THAP4: variants seen among roughly 807,000 people sequenced by gnomAD.
THAP4 encodes the protein THAP domain containing 4, also known as peroxynitrite isomerase THAP4.
A neutral mutation model predicts 48.1 loss-of-function variants in THAP4; 18 were observed. That is an observed-to-expected ratio of 0.37 (90% CI 0.26 to 0.56). THAP4 has a LOEUF of 0.56. Among genes scored for constraint, THAP4 ranks in the 20% least tolerant of loss-of-function variants. The probability of loss-of-function intolerance (pLI) is 0.78; values close to 1 mark genes in which losing one functional copy is unlikely to be tolerated. For synonymous variants in THAP4, 345 were observed against 324.9 expected (o/e 1.06, Z -0.66); for missense variants, 656 against 774.9 (o/e 0.85, Z 1.82).
chr2:241,603,113 A>G (rs2067138264), intron 3 of THAP4, 34 bp from the exon 4 acceptor site: 1 of 1,567,438 alleles, frequency 6.4e-7, no homozygotes, highest in East Asian at 2.2e-5. Context: ...AAGCCCAGGC[A>G]CTGGCCTCCA....
At chr2:241,600,531 T>C (rs544638320) in intron 5 of THAP4, among the ~76,000 whole-genome samples, 1 of 151,700 alleles carries the variant, frequency 6.6e-6, no homozygotes, top group African/African-American at 2.4e-5. Context: ...ATCGAGACCA[T>C]CCTGGCTAAC....
intron 2 of THAP4, among the ~76,000 whole-genome samples, chr2:241,631,562 C>A (rs1331613788): frequency 6.6e-6 from 1 of 152,154 alleles, no homozygotes; most frequent in Non-Finnish European, 1.5e-5. Flanking sequence ...ACCTCCCAGG[C>A]TCAAGCTATC....
At chr2:241,625,163 C>T (rs189105534) in intron 2 of THAP4, among the ~76,000 whole-genome samples, 1 of 152,146 alleles carries the variant, frequency 6.6e-6, no homozygotes, top group Admixed American at 6.5e-5. Flanking sequence ...GGCCCTAATA[C>T]CAAAACACGC....
chr2:241,599,214 T>C (rs1008762567), intron 5 of THAP4, among the ~76,000 whole-genome samples: 1 of 150,676 alleles, frequency 6.6e-6, no homozygotes, highest in African/African-American at 2.5e-5. Context: ...ATCGTGCCAC[T>C]GCATTCCAGC....
intron 2 of THAP4, among the ~76,000 whole-genome samples, chr2:241,627,502 G>A (rs1185658463): frequency 6.6e-6 from 1 of 152,192 alleles, no homozygotes; most frequent in Non-Finnish European, 1.5e-5. Context: ...TCCACAGAAC[G>A]CCACCGGGCA....
intron 2 of THAP4, among the ~76,000 whole-genome samples, chr2:241,611,629 C>G (rs968782755): frequency 4.0e-5 from 6 of 150,206 alleles, no homozygotes; most frequent in African/African-American, 1.5e-4. Context: ...GAGGCTGAGG[C>G]AGGAGAATGG....
intron 3 of THAP4, among the ~76,000 whole-genome samples, chr2:241,604,011 A>C (rs1418106411): frequency 7.1e-6 from 1 of 140,224 alleles, no homozygotes; most frequent in Non-Finnish European, 1.6e-5. Context: ...AAACCAAACC[A>C]AAAAAAAAAA....
At chr2:241,628,922 T>A (rs1575038885) in intron 2 of THAP4, among the ~76,000 whole-genome samples, 1 of 65,894 alleles carries the variant, frequency 1.5e-5, no homozygotes, top group Admixed American at 1.9e-4. Flanking sequence ...TCTGAGATTG[T>A]CTCAAAAAAA....
chr2:241,629,378 G>A (rs773258439), intron 2 of THAP4, among the ~76,000 whole-genome samples: 7 of 151,500 alleles, frequency 4.6e-5, no homozygotes, highest in Non-Finnish European at 8.8e-5. Flanking sequence ...GGCTGAGGTG[G>A]GAGGATGGCT....
At chr2:241,599,251 CAAA>C (rs199720828) in intron 5 of THAP4, among the ~76,000 whole-genome samples, 1 of 131,410 alleles carries the variant, frequency 7.6e-6, no homozygotes. Context: ...GACTCTGTCT[CAAA>C]AAAAAAAAAA....
At chr2:241,608,163 G>C (rs1004168420) in intron 2 of THAP4, among the ~76,000 whole-genome samples, 4 of 152,184 alleles carry the variant, frequency 2.6e-5, no homozygotes, top group Non-Finnish European at 5.9e-5. Context: ...GGGTGGAGGA[G>C]ACCACGTCCA....
intron 5 of THAP4, among the ~76,000 whole-genome samples, chr2:241,586,172 G>A: frequency 6.6e-6 from 1 of 150,640 alleles, no homozygotes; most frequent in Non-Finnish European, 1.5e-5. Flanking sequence ...CAGGAGAATG[G>A]CGTGAACCCA....
At chr2:241,628,667 T>A (rs1255572599) in intron 2 of THAP4, among the ~76,000 whole-genome samples, 51 of 145,462 alleles carry the variant, frequency 3.5e-4, no homozygotes, top group Non-Finnish European at 7.1e-4. Flanking sequence ...TGGAATAGGA[T>A]TTTTTTTTTT....
At position 241,610,513 on chromosome 2, in the gene THAP4, C is replaced by A. The variant is rs557844529; in HGVS notation, c.1241-4040G>T. Reference sequence around the variant, plus strand: ...GCTCACTCAAGAGCTCCAGCAAGAGCAGAGGCGGGAGCCTCGCCAGCCCCT... The same window carrying A: ...GCTCACTCAAGAGCTCCAGCAAGAGAAGAGGCGGGAGCCTCGCCAGCCCCT... On this transcript the variant is annotated intron_variant, in intron 2 of 5. Transcript: ENST00000407315. The surrounding 1 kb of genome is among the most constrained non-coding windows in gnomAD (Gnocchi z 4.2). Among the ~76,000 whole-genome samples the A allele has an allele frequency of 6.6e-6, 1 of 152,174 alleles. No homozygotes were observed. Among genetic ancestry groups the A allele is most frequent in the Non-Finnish European group, 1.5e-5 (1 of 68,008 alleles).
chr2:241,627,427 G>A (rs888218508), intron 2 of THAP4, among the ~76,000 whole-genome samples: 4 of 152,224 alleles, frequency 2.6e-5, no homozygotes, highest in African/African-American at 9.6e-5. Flanking sequence ...CCGCGAACAC[G>A]TGGTTCATAG....
Position 241,637,019 on chromosome 2 carries a change from G to C in THAP4, c.-2C>G. The C allele has an allele frequency of 3.1e-6, 4 of 1,272,876 alleles. No individual in the cohort carries two copies. Among genetic ancestry groups the C allele is most frequent in the Non-Finnish European group, 4.1e-6 (4 of 984,796 alleles). 78.8% of individuals were successfully genotyped at this position (1,272,876 alleles called of 1,614,324 possible). A position where few individuals can be genotyped will look rare whatever the true frequency, so the allele number is the denominator to read the frequency against. On this transcript the variant is annotated 5_prime_UTR_variant, in exon 1 of 6. Transcript: ENST00000407315. ...CACGGCCGCACAGCAGATCACCATCGCGGGCCTTGGCCCAGCCGCGCAGCC... is the reference window on the plus strand; with the variant it reads ...CACGGCCGCACAGCAGATCACCATCCCGGGCCTTGGCCCAGCCGCGCAGCC...
intron 2 of THAP4, among the ~76,000 whole-genome samples, chr2:241,625,122 T>C (rs577903938): frequency 1.7e-4 from 26 of 152,190 alleles, no homozygotes; most frequent in Admixed American, 1.3e-4. Flanking sequence ...GCAGAGGAAA[T>C]GCTTCCTAAC....
intron 5 of THAP4, among the ~76,000 whole-genome samples, chr2:241,586,131 C>T (rs980818505): frequency 2.1e-4 from 32 of 150,768 alleles, no homozygotes; most frequent in Non-Finnish European, 4.0e-4. Context: ...GTGGCGGGTG[C>T]CTGTAGTCCC....
chr2:241,590,490 G>A (rs374993368), intron 5 of THAP4, among the ~76,000 whole-genome samples: 2,747 of 101,188 alleles, frequency 0.027, no homozygotes, highest in Middle Eastern at 0.088. Context: ...AGAGCTGCTC[G>A]GCTGATGATA....
Sources: gnomAD v4.1 joint callset for allele counts (sites outside exome capture counted in the v4.1 genomes callset) on GRCh38, gnomAD v4.1.1 for gene constraint, Gnocchi (gnomAD v3.1) non-coding constraint, MANE v1.5 for transcripts, NCBI Gene and HGNC (gene_info 2026-07-23, HGNC 2026-07-21) for gene names.